Variants in RBFOX1 observed in about 807,000 individuals in gnomAD.
RBFOX1 encodes the protein RNA binding protein fox-1 homolog 1.
RBFOX1 carries 8 observed loss-of-function variants against 57.7 expected under a neutral mutation model. The observed-to-expected ratio is 0.14, with a 90% CI of 0.08 to 0.25. The LOEUF (loss-of-function observed/expected upper bound fraction) is 0.25, where lower values mean the gene tolerates loss of function less well. RBFOX1 is among the 10% of genes least tolerant of loss of function. The probability of loss-of-function intolerance (pLI) is 1.00; values close to 1 mark genes in which losing one functional copy is unlikely to be tolerated. For synonymous variants in RBFOX1, 326 were observed against 222.4 expected, an observed-to-expected ratio of 1.47 and a Z score of -4.15; for missense variants, 611 against 548.5, an observed-to-expected ratio of 1.11 and a Z score of -1.14.
rs906145509 is a variant in RBFOX1, at chr16:6,715,210, T to G, written c.-16+60560T>G. Among the ~76,000 whole-genome samples, 3 of 152,056 alleles carry G rather than the reference T, an allele frequency of 2.0e-5. No homozygotes were observed. In the East Asian group the frequency reaches 5.8e-4, roughly 29 times the overall value. ...GAATTTAAGGGCTAAACCTTATCAG[T>G]CACACACACAGAACAATGAATCTTT... is the stretch of plus-strand genomic sequence containing the variant. On this transcript the variant is annotated intron_variant, in intron 3 of 15. Coordinates refer to ENST00000550418, the MANE Select transcript of RBFOX1 (RefSeq NM_018723.4).
At chr16:7,655,257 C>A (rs1281151407) in intron 12 of RBFOX1, among the ~76,000 whole-genome samples, 1 of 152,068 alleles carries the variant, frequency 6.6e-6, no homozygotes. Flanking sequence ...TAGGTAAAAC[C>A]ATCAGAGAAG....
chr16:6,523,889 G>C (rs2096542591), intron 2 of RBFOX1, among the ~76,000 whole-genome samples: 1 of 152,112 alleles, frequency 6.6e-6, no homozygotes, highest in Non-Finnish European at 1.5e-5. Context: ...GTACATAATA[G>C]GTATAGATAC....
At chr16:6,257,349 T>G (rs1036302746) in intron 1 of RBFOX1, among the ~76,000 whole-genome samples, 2 of 152,132 alleles carry the variant, frequency 1.3e-5, no homozygotes, top group African/African-American at 4.8e-5. Flanking sequence ...GCAGGGATGT[T>G]AGCCAAATCT....
intron 3 of RBFOX1, among the ~76,000 whole-genome samples, chr16:6,925,662 C>A (rs1375627454): frequency 6.6e-6 from 1 of 151,806 alleles, no homozygotes; most frequent in Non-Finnish European, 1.5e-5. Flanking sequence ...TAGGGTAGGG[C>A]CTGGAATGCG....
intron 3 of RBFOX1, among the ~76,000 whole-genome samples, chr16:6,907,816 C>T (rs1280640681): frequency 2.0e-5 from 3 of 151,620 alleles, no homozygotes; most frequent in Non-Finnish European, 4.4e-5. Context: ...TCAGGTGAAC[C>T]ACCCGCCTCG....
intron 2 of RBFOX1, among the ~76,000 whole-genome samples, chr16:6,420,083 T>G (rs1371250994): frequency 6.6e-6 from 1 of 152,210 alleles, no homozygotes; most frequent in Non-Finnish European, 1.5e-5. Context: ...CAGCTAACAA[T>G]GATTTTAATC....
intron 1 of RBFOX1, among the ~76,000 whole-genome samples, chr16:5,295,999 A>G (rs1165123279): frequency 6.6e-6 from 1 of 152,194 alleles, no homozygotes; most frequent in African/African-American, 2.4e-5. Context: ...TATTATTACT[A>G]CCATTGTTAA....
chr16:6,805,998 G>C, intron 3 of RBFOX1, among the ~76,000 whole-genome samples: 1 of 152,262 alleles, frequency 6.6e-6, no homozygotes, highest in East Asian at 1.9e-4. Flanking sequence ...GTGAGAAGGG[G>C]AAAAACTGTG....
At chr16:6,927,746 C>G (rs1439170363) in intron 3 of RBFOX1, among the ~76,000 whole-genome samples, 3 of 151,996 alleles carry the variant, frequency 2.0e-5, no homozygotes, top group Non-Finnish European at 4.4e-5. Flanking sequence ...TATGTAAGGC[C>G]TGGAACCTAA....
At chr16:6,891,940 A>G (rs903709672) in intron 3 of RBFOX1, among the ~76,000 whole-genome samples, 6 of 152,154 alleles carry the variant, frequency 3.9e-5, no homozygotes, top group Admixed American at 6.5e-5. Flanking sequence ...GTTTTCTGAG[A>G]AGGAGCTGTG....
intron 4 of RBFOX1, among the ~76,000 whole-genome samples, chr16:7,458,951 C>A (rs1441286435): frequency 6.6e-6 from 1 of 152,146 alleles, no homozygotes; most frequent in Non-Finnish European, 1.5e-5. Context: ...GTTGCTATAT[C>A]CTTGCAGTGC....
intron 9 of RBFOX1, among the ~76,000 whole-genome samples, chr16:7,598,000 C>G (rs1010603995): frequency 3.9e-5 from 6 of 152,228 alleles, no homozygotes; most frequent in Admixed American, 2.6e-4. Flanking sequence ...TTACAGACCC[C>G]ATCAGGACAA....
intron 4 of RBFOX1, among the ~76,000 whole-genome samples, chr16:5,915,284 A>C (rs7203814): frequency 0.41 from 61,735 of 151,990 alleles, 13,047 homozygotes; most frequent in Middle Eastern, 0.51. Context: ...TTAATATTTT[A>C]TTCCACATGA....
At chr16:6,900,189 G>A (rs2068100990) in intron 3 of RBFOX1, among the ~76,000 whole-genome samples, 1 of 152,166 alleles carries the variant, frequency 6.6e-6, no homozygotes, top group Non-Finnish European at 1.5e-5. Flanking sequence ...GAGCCTGTGT[G>A]GTGAATTGGA....
intron 2 of RBFOX1, among the ~76,000 whole-genome samples, chr16:6,364,261 T>C (rs930847303): frequency 1.3e-5 from 2 of 152,250 alleles, no homozygotes; most frequent in Non-Finnish European, 2.9e-5. Context: ...GCCCTTTACC[T>C]GATTAAAGCT....
chr16:5,486,318 A>G (rs549606012), intron 2 of RBFOX1, among the ~76,000 whole-genome samples: 15 of 152,298 alleles, frequency 9.8e-5, no homozygotes, highest in African/African-American at 3.1e-4. Context: ...AGGGGGCTCA[A>G]TGTAGCTTCC....
At chr16:5,710,269 C>T (rs1277777849) in intron 3 of RBFOX1, among the ~76,000 whole-genome samples, 1 of 152,148 alleles carries the variant, frequency 6.6e-6, no homozygotes, top group African/African-American at 2.4e-5. Flanking sequence ...CCCAATGTCA[C>T]ACAGCTTGTA....
intron 1 of RBFOX1, among the ~76,000 whole-genome samples, chr16:6,289,459 C>T (rs898188365): frequency 6.6e-6 from 1 of 152,090 alleles, no homozygotes; most frequent in African/African-American, 2.4e-5. Context: ...CCTAATCATT[C>T]CCTATTTTAA....
chr16:6,464,462 C>T (rs969322184), intron 2 of RBFOX1, among the ~76,000 whole-genome samples: 2 of 152,150 alleles, frequency 1.3e-5, no homozygotes. Flanking sequence ...CAACAACAAG[C>T]GTTGTTTGTA....
Sources: allele counts gnomAD v4.1 joint callset (sites outside exome capture counted in the v4.1 genomes callset), GRCh38; gene constraint gnomAD v4.1.1; transcripts MANE v1.5; gene names NCBI Gene and HGNC (gene_info 2026-07-23, HGNC 2026-07-21).